Variants in COX10 observed in about 807,000 individuals in gnomAD.
COX10 encodes protoheme IX farnesyltransferase, mitochondrial.
In COX10, 27 loss-of-function variants were observed where a neutral mutation model predicts 37.3. The ratio of observed to expected loss-of-function variants is 0.72; its 90% confidence interval spans 0.53 to 1.00. The LOEUF (loss-of-function observed/expected upper bound fraction) is 1.00. COX10 is among the 50% of genes least tolerant of loss of function. The probability of loss-of-function intolerance (pLI) is 0.00; values close to 1 mark genes in which losing one functional copy is unlikely to be tolerated. For synonymous variants in COX10, 222 were observed against 229.1 expected (o/e 0.97, Z 0.28); for missense variants, 475 against 563.2 (o/e 0.84, Z 1.59).
At chr17:14,172,400 T>C (rs3020879) in intron 5 of COX10, among the ~76,000 whole-genome samples, 174 of 152,268 alleles carry the variant, frequency 1.1e-3, no homozygotes, top group African/African-American at 3.9e-3. Context: ...AGTTCCCTTT[T>C]CTCTGCATCC....
At chr17:14,152,773 C>A (rs1310131155) in intron 4 of COX10, among the ~76,000 whole-genome samples, 1 of 152,174 alleles carries the variant, frequency 6.6e-6, no homozygotes, top group East Asian at 1.9e-4. Flanking sequence ...TGCACATGAC[C>A]TACAGAAGAG....
chr17:14,198,440 A>G (rs539312855), intron 6 of COX10, among the ~76,000 whole-genome samples: 9 of 152,312 alleles, frequency 5.9e-5, no homozygotes, highest in Non-Finnish European at 8.8e-5. Context: ...CTAAATTTGA[A>G]TAAGTCCCAT....
At chr17:14,094,159 A>G (rs1018961383) in intron 3 of COX10, among the ~76,000 whole-genome samples, 4 of 152,200 alleles carry the variant, frequency 2.6e-5, no homozygotes, top group Non-Finnish European at 4.4e-5. Flanking sequence ...GGTTGTCCAT[A>G]TAGAAAATCA....
intron 4 of COX10, among the ~76,000 whole-genome samples, chr17:14,106,511 G>A (rs1318695188): frequency 2.0e-5 from 3 of 152,130 alleles, no homozygotes; most frequent in African/African-American, 7.2e-5. Context: ...CATGTCAAGA[G>A]ATTATGAAGT....
intron 3 of COX10, among the ~76,000 whole-genome samples, chr17:14,080,654 A>G (rs1232562774): frequency 6.6e-6 from 1 of 152,004 alleles, no homozygotes; most frequent in Non-Finnish European, 1.5e-5. Context: ...TCTTTTTTCT[A>G]TTTTGATCAT....
At chr17:14,163,918 A>T (rs1054747085) in intron 5 of COX10, among the ~76,000 whole-genome samples, 1 of 152,008 alleles carries the variant, frequency 6.6e-6, no homozygotes, top group Non-Finnish European at 1.5e-5. Flanking sequence ...TTTCATCTGC[A>T]CATCATTTCC....
At chr17:14,123,668 A>G (rs1169197479) in intron 4 of COX10, among the ~76,000 whole-genome samples, 1 of 152,156 alleles carries the variant, frequency 6.6e-6, no homozygotes, top group African/African-American at 2.4e-5. Flanking sequence ...TTTTAAGGTA[A>G]ATAATGTATC....
At chr17:14,150,342 A>G (rs1323097844) in intron 4 of COX10, among the ~76,000 whole-genome samples, 1 of 152,182 alleles carries the variant, frequency 6.6e-6, no homozygotes, top group Non-Finnish European at 1.5e-5. Flanking sequence ...ATGAAGAAAG[A>G]CTGAGAGGAA....
At chr17:14,189,788 G>A (rs1341217641) in intron 5 of COX10, among the ~76,000 whole-genome samples, 2 of 152,128 alleles carry the variant, frequency 1.3e-5, no homozygotes, top group Non-Finnish European at 2.9e-5. Context: ...ATACAGTTGA[G>A]GAACAAATAG....
intron 4 of COX10, among the ~76,000 whole-genome samples, chr17:14,103,165 A>T (rs1008511157): frequency 2.0e-5 from 3 of 152,138 alleles, no homozygotes; most frequent in Non-Finnish European, 4.4e-5. Flanking sequence ...AAATAGTGCT[A>T]CCACTTTACC....
intron 5 of COX10, among the ~76,000 whole-genome samples, chr17:14,164,669 A>G (rs1220783661): frequency 3.3e-5 from 5 of 152,174 alleles, no homozygotes; most frequent in African/African-American, 1.2e-4. Flanking sequence ...CCTTTGTGCA[A>G]GCCATAGACA....
At chr17:14,204,785 GT>G (rs1202413688) in intron 6 of COX10, among the ~76,000 whole-genome samples, 4 of 150,572 alleles carry the variant, frequency 2.7e-5, no homozygotes, top group African/African-American at 9.7e-5. Context: ...AAGATCCTCT[GT>G]GGCTTTCTGT....
intron 4 of COX10, among the ~76,000 whole-genome samples, chr17:14,145,579 C>G (rs1283632936): frequency 1.3e-5 from 2 of 151,984 alleles, no homozygotes; most frequent in Admixed American, 6.6e-5. Flanking sequence ...AGAAAAGAGC[C>G]TAGAGAGGTA....
intron 4 of COX10, among the ~76,000 whole-genome samples, chr17:14,125,890 C>T (rs554556965): frequency 2.5e-4 from 38 of 152,252 alleles, no homozygotes; most frequent in African/African-American, 8.4e-4. Context: ...AACTATTCCA[C>T]GGTGCTGTTT....
chr17:14,096,104 G>T (rs898176344), intron 3 of COX10, among the ~76,000 whole-genome samples: 1 of 152,122 alleles, frequency 6.6e-6, no homozygotes, highest in African/African-American at 2.4e-5. Context: ...AGAAGGTTGA[G>T]TGTGCTAGCC....
At chr17:14,121,559 T>C (rs1011407965) in intron 4 of COX10, among the ~76,000 whole-genome samples, 1 of 152,180 alleles carries the variant, frequency 6.6e-6, no homozygotes, top group Non-Finnish European at 1.5e-5. Flanking sequence ...ATGGGGCAAA[T>C]TACTTTTCTG....
At chr17:14,169,146 C>T (rs770353766) in intron 5 of COX10, among the ~76,000 whole-genome samples, 5 of 152,290 alleles carry the variant, frequency 3.3e-5, no homozygotes, top group Non-Finnish European at 7.4e-5. Flanking sequence ...ATTTCTTCTG[C>T]CAGATATCCT....
chr17:14,192,604 G>A (rs1293934835), intron 6 of COX10, among the ~76,000 whole-genome samples: 1 of 152,206 alleles, frequency 6.6e-6, no homozygotes, highest in Non-Finnish European at 1.5e-5. Flanking sequence ...TCCCATCAAA[G>A]GGGTTTCGTC....
intron 3 of COX10, among the ~76,000 whole-genome samples, chr17:14,097,891 G>T (rs1667367969): frequency 6.6e-6 from 1 of 151,934 alleles, no homozygotes; most frequent in Admixed American, 6.6e-5. Flanking sequence ...CCCATCTCTA[G>T]TTTACTTATG....
Sources: gnomAD v4.1 joint callset for allele counts (sites outside exome capture counted in the v4.1 genomes callset) on GRCh38, gnomAD v4.1.1 for gene constraint, MANE v1.5 for transcripts, NCBI Gene and HGNC (gene_info 2026-07-23, HGNC 2026-07-21) for gene names.